Variants in SPECC1 observed in about 807,000 individuals in gnomAD.
The protein encoded by SPECC1 is cytospin-B.
Under a neutral mutation model 104.1 loss-of-function variants are expected in SPECC1, and 62 were observed. The ratio of observed to expected loss-of-function variants is 0.60; its 90% CI spans 0.49 to 0.74. SPECC1 has a LOEUF of 0.74. SPECC1 is among the 30% of genes least tolerant of loss of function. The pLI is 0.00. For missense variants in SPECC1, 1,306 were observed against 1,310.5 expected (o/e 1.00, Z 0.05); for synonymous variants, 513 against 501.6 (o/e 1.02, Z -0.30).
chr17:20,027,250 CT>C (rs2044634127), intron 1 of SPECC1, among the ~76,000 whole-genome samples: 1 of 152,152 alleles, frequency 6.6e-6, no homozygotes, highest in Non-Finnish European at 1.5e-5. Flanking sequence ...TTATTCAGAT[CT>C]TTTGCCCATA....
chr17:20,079,819 T>C (rs747468669), intron 1 of SPECC1, among the ~76,000 whole-genome samples: 12 of 152,106 alleles, frequency 7.9e-5, no homozygotes, highest in Admixed American at 2.0e-4. Flanking sequence ...GAAGCTGCCA[T>C]TGGGGGCTGT....
At chr17:20,195,348 C>T (rs2035958988) in intron 3 of SPECC1, among the ~76,000 whole-genome samples, 1 of 146,870 alleles carries the variant, frequency 6.8e-6, no homozygotes. Context: ...CAGAATTTTA[C>T]ATAACAATTA....
At chr17:20,257,354 G>T in intron 10 of SPECC1, 97 bp from the exon 11 acceptor site, 1 of 1,366,394 alleles carries the variant, frequency 7.3e-7, no homozygotes. Context: ...TTGCACTTGA[G>T]GATAAAATGA....
intron 3 of SPECC1, among the ~76,000 whole-genome samples, chr17:20,166,549 AAAT>A (rs762549166): frequency 2.2e-4 from 33 of 152,248 alleles, no homozygotes; most frequent in Non-Finnish European, 3.2e-4. Flanking sequence ...ATAAAGTTAC[AAAT>A]AATAAGCAAA....
At chr17:20,096,103 G>A (rs1295882486) in intron 1 of SPECC1, 1 of 152,292 alleles carries the variant, frequency 6.6e-6, no homozygotes, top group Admixed American at 6.5e-5. Context: ...ACAGTGTTGG[G>A]TCTGACCAAT....
chr17:20,140,852 C>T (rs997921443), intron 3 of SPECC1, among the ~76,000 whole-genome samples: 4 of 152,232 alleles, frequency 2.6e-5, no homozygotes, highest in African/African-American at 9.6e-5. Context: ...CTTCTCTGCT[C>T]GAAAACCTTC....
At chr17:20,231,472 C>T (rs965169865) in intron 5 of SPECC1, among the ~76,000 whole-genome samples, 2 of 152,170 alleles carry the variant, frequency 1.3e-5, no homozygotes, top group Non-Finnish European at 2.9e-5. Flanking sequence ...GGCCTCTTCC[C>T]GTAGTGCTGC....
intron 3 of SPECC1, among the ~76,000 whole-genome samples, chr17:20,202,540 A>G (rs1013409527): frequency 6.6e-6 from 1 of 152,226 alleles, no homozygotes; most frequent in Non-Finnish European, 1.5e-5. Context: ...CAGACCATGT[A>G]AACTTATGGT....
At chr17:20,110,762 C>T (rs1447002057) in intron 3 of SPECC1, among the ~76,000 whole-genome samples, 200 bp downstream of exon 3, 1 of 152,084 alleles carries the variant, frequency 6.6e-6, no homozygotes, top group Non-Finnish European at 1.5e-5. Context: ...CGATGAGAAG[C>T]AAAAGGTAAC....
intron 2 of SPECC1, 69 bp from the exon 3 acceptor site, chr17:20,110,358 T>A: frequency 6.6e-7 from 1 of 1,524,438 alleles, no homozygotes; most frequent in Non-Finnish European, 8.9e-7. Context: ...TCCCATGCTC[T>A]GCTTGTTTAT....
At chr17:20,302,220 T>G (rs1025707827) in intron 13 of SPECC1, among the ~76,000 whole-genome samples, 3 of 152,208 alleles carry the variant, frequency 2.0e-5, no homozygotes, top group African/African-American at 7.2e-5. Context: ...GCCCAACCCC[T>G]CAATCCCTGC....
chr17:20,147,595 A>G (rs1413516322), intron 3 of SPECC1, among the ~76,000 whole-genome samples: 1 of 152,204 alleles, frequency 6.6e-6, no homozygotes, highest in East Asian at 1.9e-4. Flanking sequence ...TGGGTGATAG[A>G]TGAAAAAAAT....
At chr17:20,257,650 T>C (rs773458448) in intron 11 of SPECC1, 43 bp downstream of exon 11, 1 of 1,603,070 alleles carries the variant, frequency 6.2e-7, no homozygotes, top group East Asian at 2.2e-5. Context: ...AACATCGGGC[T>C]AATCACCTTT....
At chr17:20,098,699 C>T (rs918228) in intron 2 of SPECC1, among the ~76,000 whole-genome samples, 75,694 of 151,964 alleles carry the variant, frequency 0.5, 19,381 homozygotes, top group Middle Eastern at 0.61. Flanking sequence ...TCCCTCTGCC[C>T]GGAAAGCACC....
chr17:20,205,009 C>G lies in SPECC1; in HGVS notation c.960C>G (p.Thr320=), dbSNP rs756730771. The G allele has an allele frequency of 6.2e-7, 1 of 1,614,090 alleles. No homozygotes were observed. The change falls in exon 4 of 15, where the codon ACC becomes ACG. Residue 320 remains threonine (T), a synonymous_variant. Transcript: ENST00000395527. The part of the protein sequence containing the change: ...RTSGSSSSDV[T]KASLSPDASD... ...CAGGCTCCTCAAGTAGCGATGTTAC[C>G]AAAGCTTCTTTGTCGCCAGATGCTT...
At chr17:20,309,806 TC>T (rs1380577210) in intron 14 of SPECC1, among the ~76,000 whole-genome samples, 7 of 116,748 alleles carry the variant, frequency 6.0e-5, no homozygotes, top group African/African-American at 1.1e-4. Flanking sequence ...TGGTTTTCTT[TC>T]TCCTTTTCTT....
chr17:20,179,438 G>T (rs2034707808), intron 3 of SPECC1, among the ~76,000 whole-genome samples: 1 of 152,236 alleles, frequency 6.6e-6, no homozygotes, highest in African/African-American at 2.4e-5. Context: ...TAATGGCAGG[G>T]TCAAGGGGGC....
chr17:20,281,679 G>T (rs2040776622), intron 12 of SPECC1, among the ~76,000 whole-genome samples: 1 of 152,232 alleles, frequency 6.6e-6, no homozygotes. Context: ...AGTCCACTGA[G>T]CCTGGGTGAC....
chr17:20,313,410 G>A (rs551346137), intron 14 of SPECC1, among the ~76,000 whole-genome samples: 1 of 152,376 alleles, frequency 6.6e-6, no homozygotes, highest in African/African-American at 2.4e-5. Flanking sequence ...ACTGCACAAA[G>A]ATGCTGATTG....
Sources: allele counts gnomAD v4.1 joint callset (sites outside exome capture counted in the v4.1 genomes callset), GRCh38; gene constraint gnomAD v4.1.1; transcripts MANE v1.5; gene names NCBI Gene and HGNC (gene_info 2026-07-23, HGNC 2026-07-21).